The following NHS variants were observed in gnomAD, a reference collection of about 807,000 sequenced individuals.
The protein encoded by NHS is actin remodeling regulator NHS.
In NHS, 5 loss-of-function variants were observed where a neutral mutation model predicts 72.5. The observed-to-expected ratio is 0.07, with a 90% confidence interval of 0.04 to 0.14. NHS has a LOEUF of 0.14. NHS is among the 10% of genes least tolerant of loss of function. The pLI, the probability that NHS is intolerant of heterozygous loss-of-function variation, is 1.00. For missense variants in NHS, 1,072 were observed against 1,355.7 expected (o/e 0.79, Z 3.29); for synonymous variants, 464 against 547.7 (o/e 0.85, Z 2.13).
intron 1 of NHS, among the ~76,000 whole-genome samples, chrX:17,669,009 C>T (rs1369492311): frequency 8.9e-6 from 1 of 112,010 alleles, no homozygotes; most frequent in Non-Finnish European, 1.9e-5. Flanking sequence ...TGAGAAGCAG[C>T]CTTCTGACTG....
At chrX:17,579,477 C>A (rs2065531433) in intron 1 of NHS, among the ~76,000 whole-genome samples, 1 of 111,275 alleles carries the variant, frequency 9.0e-6, no homozygotes, top group Non-Finnish European at 1.9e-5. Flanking sequence ...CCTGCTCCCC[C>A]TCTCCCTCTC....
intron 1 of NHS, among the ~76,000 whole-genome samples, chrX:17,491,686 G>C (rs774284228): frequency 3.7e-5 from 4 of 109,574 alleles, no homozygotes; most frequent in Admixed American, 2.0e-4. Flanking sequence ...AATAGTTTCA[G>C]AAGGAATGGT....
At chrX:17,537,359 A>G (rs762476792) in intron 1 of NHS, among the ~76,000 whole-genome samples, 1 of 112,630 alleles carries the variant, frequency 8.9e-6, no homozygotes, top group Non-Finnish European at 1.9e-5. Context: ...ATCTACACCT[A>G]GAAGAAGACA....
chrX:17,668,808 C>T (rs2147098277), intron 1 of NHS, among the ~76,000 whole-genome samples: 1 of 111,220 alleles, frequency 9.0e-6, no homozygotes, highest in South Asian at 3.8e-4. Context: ...CAAGCAGCCA[C>T]CGTGTGGGTA....
chrX:17,512,431 T>C (rs2065094033), intron 1 of NHS, among the ~76,000 whole-genome samples: 1 of 112,147 alleles, frequency 8.9e-6, no homozygotes, highest in African/African-American at 3.2e-5. Flanking sequence ...AGTTGCAGCT[T>C]GTGACTTACC....
chrX:17,507,927 TTTAC>T (rs1344125255), intron 1 of NHS, among the ~76,000 whole-genome samples: 1 of 111,984 alleles, frequency 8.9e-6, no homozygotes, highest in African/African-American at 3.2e-5. Context: ...TTCTTGGGTG[TTTAC>T]TCTGCCAGGC....
rs780204114 is a variant in NHS, at chrX:17,681,255, T to C, written c.566-6487T>C. 3.5e-4 allele frequency among the ~76,000 whole-genome samples: 39 copies of C among 112,274 alleles called. 1 individual carries two copies. The highest frequency in any genetic ancestry group is 9.4e-5 in the Admixed American group (1 of 10,603). On this transcript the variant is annotated intron_variant, in intron 1 of 8. Transcript: ENST00000676302. Reference sequence around the variant, plus strand: ...TTCCTCTTGTGAATTTGGACCCTGATCCTGGCCTCCCAATCTTCTTTTGTT... The same window carrying C: ...TTCCTCTTGTGAATTTGGACCCTGACCCTGGCCTCCCAATCTTCTTTTGTT...
intron 1 of NHS, among the ~76,000 whole-genome samples, chrX:17,559,529 C>T (rs753807286): frequency 2.1e-4 from 23 of 112,189 alleles, no homozygotes; most frequent in African/African-American, 6.2e-4. Flanking sequence ...ATTATATGCA[C>T]GTGTTGCTGT....
At chrX:17,388,293 C>T (rs891499635) in intron 1 of NHS, among the ~76,000 whole-genome samples, 1 of 111,230 alleles carries the variant, frequency 9.0e-6, no homozygotes, top group South Asian at 3.8e-4. Context: ...ATACATTTGA[C>T]GAAATTACAA....
At chrX:17,435,507 G>A (rs994612181) in intron 1 of NHS, among the ~76,000 whole-genome samples, 6 of 112,309 alleles carry the variant, frequency 5.3e-5, no homozygotes. Flanking sequence ...TTCACAAGCA[G>A]TGAGGTTCTG....
chrX:17,435,086 C>G (rs920498462), intron 1 of NHS, among the ~76,000 whole-genome samples: 4 of 112,040 alleles, frequency 3.6e-5, no homozygotes, highest in Non-Finnish European at 7.5e-5. Context: ...GAGGGAAAAG[C>G]TCAGTGGTTT....
chrX:17,599,888 T>C (rs1022788059), intron 1 of NHS, among the ~76,000 whole-genome samples: 3 of 110,919 alleles, frequency 2.7e-5, no homozygotes, highest in African/African-American at 9.8e-5. Context: ...AAATGTCCAT[T>C]CTTGTGCCCC....
At chrX:17,453,546 A>G (rs113611691) in intron 1 of NHS, among the ~76,000 whole-genome samples, 6,652 of 111,886 alleles carry the variant, frequency 0.059, 526 homozygotes, top group African/African-American at 0.21. Context: ...TATTCAATGC[A>G]TTGATAAACA....
intron 1 of NHS, among the ~76,000 whole-genome samples, chrX:17,681,747 G>A (rs768395537): frequency 8.9e-6 from 1 of 111,952 alleles, no homozygotes; most frequent in East Asian, 2.8e-4. Context: ...AGTCTTCCTG[G>A]TATGAAGCAT....
At chrX:17,654,356 ACT>A (rs750354273) in intron 1 of NHS, among the ~76,000 whole-genome samples, 2 of 110,657 alleles carry the variant, frequency 1.8e-5, no homozygotes, top group African/African-American at 6.6e-5. Flanking sequence ...TCCCAGCCAC[ACT>A]CTGTCTTCCG....
chrX:17,473,479 G>A (rs2064900820), intron 1 of NHS, among the ~76,000 whole-genome samples: 1 of 112,627 alleles, frequency 8.9e-6, no homozygotes, highest in South Asian at 3.7e-4. Context: ...TTGAGGAGCT[G>A]AATCTTGAAT....
At chrX:17,386,077 A>T (rs2064406637) in intron 1 of NHS, among the ~76,000 whole-genome samples, 1 of 111,955 alleles carries the variant, frequency 8.9e-6, no homozygotes. Context: ...CCCATTCTCA[A>T]ACAGTCCTTA....
intron 1 of NHS, among the ~76,000 whole-genome samples, chrX:17,554,687 G>T (rs758870449): frequency 1.2e-4 from 13 of 111,807 alleles, no homozygotes; most frequent in Non-Finnish European, 2.1e-4. Flanking sequence ...AGGAGCCATT[G>T]TTCACTGACC....
Position 17,732,555 on chromosome X carries a change from C to CTTGA in NHS, c.*93_*96dup, listed in dbSNP as rs2147149257. ...ACAGAGGACTTGGGAAAAGTCTCAA[C>CTTGA]TTGATGGGGTAGCATCACTGCTAAG... On this transcript the variant is annotated 3_prime_UTR_variant, in exon 9 of 9. Transcript: ENST00000676302. The CTTGA allele has an allele frequency of 1.1e-5, 13 of 1,142,083 alleles. No individual in the cohort carries two copies. In the South Asian group the frequency reaches 2.4e-4, roughly 21 times the overall value. The allele number at this position is 1,142,083 out of a possible 1,213,427, so 94.1% of individuals were successfully genotyped here.
Sources: gnomAD v4.1 joint callset for allele counts (sites outside exome capture counted in the v4.1 genomes callset) on GRCh38, gnomAD v4.1.1 for gene constraint, MANE v1.5 for transcripts, NCBI Gene and HGNC (gene_info 2026-07-23, HGNC 2026-07-21) for gene names.